Variants in TMPRSS3 observed in about 807,000 individuals in gnomAD.
TMPRSS3 encodes the protein transmembrane protease serine 3.
A neutral mutation model predicts 59.6 loss-of-function variants in TMPRSS3; 55 were observed. The observed-to-expected ratio is 0.92, with a 90% CI of 0.74 to 1.16. The LOEUF (loss-of-function observed/expected upper bound fraction) is 1.16. TMPRSS3 is among the 50% of genes most tolerant of loss of function. TMPRSS3 has a pLI of 0.00. For missense variants in TMPRSS3, 596 were observed against 579.4 expected, an observed-to-expected ratio of 1.03 and a Z score of -0.29; for synonymous variants, 257 against 237.7, an observed-to-expected ratio of 1.08 and a Z score of -0.75.
intron 5 of TMPRSS3, among the ~76,000 whole-genome samples, chr21:42,386,382 C>T (rs1294346680): frequency 2.0e-5 from 3 of 152,230 alleles, no homozygotes; most frequent in East Asian, 1.9e-4. Context: ...GCGGCGGGCA[C>T]GACCTTCGCA....
intron 11 of TMPRSS3, 45 bp downstream of exon 11, chr21:42,376,496 C>G (rs773977655): frequency 6.2e-7 from 1 of 1,610,434 alleles, no homozygotes; most frequent in Admixed American, 1.7e-5. Context: ...GTCCCAAGGG[C>G]TGGGTCACCC....
chr21:42,378,452 C>A (rs1344356874), intron 10 of TMPRSS3, among the ~76,000 whole-genome samples: 2 of 152,176 alleles, frequency 1.3e-5, no homozygotes, highest in East Asian at 1.9e-4. Flanking sequence ...AACATAAGAT[C>A]TCCCAGCGTT....
At position 42,376,586 on chromosome 21, in the gene TMPRSS3, G is replaced by T. The variant is rs1009019681; in HGVS notation, c.1146C>A (p.Ser382=). ...RDVYGGIISP[S]MLCAGYLTGG... ...CCGTCAGGTAGCCCGCGCAGAGCATGGAGGGGGAGATGATGCCACCGTACA... is the reference window on the plus strand; with the variant it reads ...CCGTCAGGTAGCCCGCGCAGAGCATTGAGGGGGAGATGATGCCACCGTACA... Residue 382 remains serine (S), a synonymous_variant, in exon 11 of 13, where the codon TCC becomes TCA. Coordinates refer to ENST00000644384, the MANE Select transcript of TMPRSS3 (RefSeq NM_001256317.3). 1 of 1,613,922 alleles carries T rather than the reference G, an allele frequency of 6.2e-7. No individual in the cohort carries two copies. The highest frequency in any genetic ancestry group is 1.7e-5 in the Admixed American group (1 of 60,032).
At chr21:42,376,486 G>A (rs1370281391) in intron 11 of TMPRSS3, 55 bp downstream of exon 11, 2 of 1,608,804 alleles carry the variant, frequency 1.2e-6, no homozygotes, top group Non-Finnish European at 1.7e-6. Flanking sequence ...GCAACGACCT[G>A]TCCCAAGGGC....
rs2052788566 is a variant in TMPRSS3 at position 42,395,325 on chromosome 21, T to C, written c.93A>G (p.Pro31=). 1 of 1,613,508 alleles carries C rather than the reference T, an allele frequency of 6.2e-7. No individual in the cohort carries two copies. Among genetic ancestry groups the C allele is most frequent in the East Asian group, 2.2e-5 (1 of 44,886 alleles). The change falls in exon 2 of 13, where the codon CCA becomes CCG. Residue 31 remains proline (P), a splice_region_variant and synonymous_variant. Coordinates refer to ENST00000644384, the MANE Select transcript of TMPRSS3 (RefSeq NM_001256317.3). Reference sequence around the variant, plus strand: ...GAGTCCTCACCTGGGTCCACTTACCTGGTGCAACAGGACTTATTTTCAAAT... The same window carrying C: ...GAGTCCTCACCTGGGTCCACTTACCCGGTGCAACAGGACTTATTTTCAAAT... The part of the protein sequence containing the change: ...LDDLKISPVA[P]DADAVAAQIL...
chr21:42,390,747 A>G (rs2052723000), intron 2 of TMPRSS3, among the ~76,000 whole-genome samples: 1 of 152,104 alleles, frequency 6.6e-6, no homozygotes, highest in African/African-American at 2.4e-5. Flanking sequence ...AAAAACAAAA[A>G]GGAGAAATCA....
At chr21:42,379,459 G>A (rs916660528) in intron 10 of TMPRSS3, among the ~76,000 whole-genome samples, 1 of 152,174 alleles carries the variant, frequency 6.6e-6, no homozygotes, top group Admixed American at 6.5e-5. Context: ...GAACACACCT[G>A]GCCAATTTCC....
At chr21:42,375,916 C>A in intron 11 of TMPRSS3, 48 bp from the exon 12 acceptor site, 3 of 1,609,114 alleles carry the variant, frequency 1.9e-6, no homozygotes, top group Non-Finnish European at 2.5e-6. Flanking sequence ...CACCGCCATG[C>A]GAGATTGCTT....
chr21:42,378,564 G>T (rs564719157), intron 10 of TMPRSS3, among the ~76,000 whole-genome samples: 1 of 152,170 alleles, frequency 6.6e-6, no homozygotes, highest in Non-Finnish European at 1.5e-5. Context: ...GGAGGAAGGA[G>T]GCTGAGGCTG....
rs111033537 is a variant in TMPRSS3, at chr21:42,376,552, C to G, written c.1180G>C (p.Asp394His). The change falls in exon 11 of 13, where the codon GAC (aspartate) becomes CAC (histidine). Residue 394 changes from aspartate (D) to histidine (H), a missense_variant. Asp to His is a moderately conservative substitution (Grantham distance 81). Transcript: ENST00000644384. ...CTGCGGCCCCGTACCTGGCAGCTGTCCACGCCACCCGTCAGGTAGCCCGCG... is the reference window on the plus strand; with the variant it reads ...CTGCGGCCCCGTACCTGGCAGCTGTGCACGCCACCCGTCAGGTAGCCCGCG... ...LCAGYLTGGVDSCQGDSGGPL... is the reference protein window; with the variant it reads ...LCAGYLTGGVHSCQGDSGGPL... 1.9e-6 allele frequency: 3 copies of G among 1,613,428 alleles called. No individual in the cohort carries two copies. The highest frequency in any genetic ancestry group is 3.3e-5 in the Admixed American group (2 of 60,032).
chr21:42,383,469 C>T (rs950386588), intron 7 of TMPRSS3: 2 of 572,206 alleles, frequency 3.5e-6, no homozygotes, highest in African/African-American at 1.9e-5. Context: ...CAGCACCACT[C>T]CCCATCCTAT....
At chr21:42,377,416 G>T (rs117784208) in intron 10 of TMPRSS3, among the ~76,000 whole-genome samples, 1 of 152,348 alleles carries the variant, frequency 6.6e-6, no homozygotes, top group Non-Finnish European at 1.5e-5. Context: ...CGCTGGGAAA[G>T]GCAGGAGACA....
intron 12 of TMPRSS3, among the ~76,000 whole-genome samples, chr21:42,374,214 A>AG (rs2052382245): frequency 6.6e-6 from 1 of 152,328 alleles, no homozygotes; most frequent in Admixed American, 6.5e-5. Flanking sequence ...CAGGCCACTC[A>AG]GTGCCTAGTA....
intron 3 of TMPRSS3, 78 bp downstream of exon 3, chr21:42,389,849 G>T: frequency 9.0e-7 from 1 of 1,108,004 alleles, no homozygotes; most frequent in Non-Finnish European, 1.4e-6. Context: ...AAAATGCTGG[G>T]ATGAGAGGGG....
In TMPRSS3 at chr21:42,383,033, T is replaced by G. The variant is rs2146436092; in HGVS notation, c.782A>C (p.Asp261Ala). The G allele has an allele frequency of 1.2e-6, 2 of 1,613,914 alleles. No individual in the cohort carries two copies. The highest frequency in any genetic ancestry group is 4.5e-5 in the East Asian group (2 of 44,868). Reference protein sequence around the residue: ...WIITAAHCVYDLYLPKSWTIQ... With the variant: ...WIITAAHCVYALYLPKSWTIQ... ...TGGGAAGATGGTCAGCAGCACTCAC[T>G]CATAAACACAGTGTGCAGCAGTGAT... is the stretch of plus-strand genomic sequence containing the variant. The change falls in exon 8 of 13, where the codon GAC becomes GCC. Residue 261 changes from aspartate (D) to alanine (A), a missense_variant and splice_region_variant. By Grantham distance (126) the Asp-to-Ala change is moderately radical. Transcript: ENST00000644384.
chr21:42,379,507 G>A (rs940916831), intron 10 of TMPRSS3, among the ~76,000 whole-genome samples: 1 of 152,100 alleles, frequency 6.6e-6, no homozygotes, highest in East Asian at 1.9e-4. Flanking sequence ...AATTTGTCAC[G>A]GCAGCCACGG....
chr21:42,373,496 C>T (rs2052368871), intron 12 of TMPRSS3, among the ~76,000 whole-genome samples: 1 of 152,228 alleles, frequency 6.6e-6, no homozygotes, highest in Admixed American at 6.5e-5. Context: ...CCAAGACCCT[C>T]CCAGGGTTTC....
chr21:42,387,347 A>G (rs935360971), intron 5 of TMPRSS3, among the ~76,000 whole-genome samples: 5 of 146,524 alleles, frequency 3.4e-5, no homozygotes, highest in African/African-American at 5.3e-5. Flanking sequence ...GAAATGCCCA[A>G]TGGGGAAGCT....
intron 11 of TMPRSS3, 62 bp from the exon 12 acceptor site, chr21:42,375,930 G>A: frequency 6.2e-7 from 1 of 1,602,928 alleles, no homozygotes. Context: ...ATTGCTTTCT[G>A]TGGACAGTCT....
Sources: allele counts gnomAD v4.1 joint callset (sites outside exome capture counted in the v4.1 genomes callset), GRCh38; gene constraint gnomAD v4.1.1; transcripts MANE v1.5; gene names NCBI Gene and HGNC (gene_info 2026-07-23, HGNC 2026-07-21).